The following GPD2 variants were observed in gnomAD, a reference collection of about 807,000 sequenced individuals.
GPD2 encodes the protein glycerol-3-phosphate dehydrogenase, mitochondrial.
Under a neutral mutation model 82.4 loss-of-function variants are expected in GPD2, and 54 were observed. The ratio of observed to expected loss-of-function variants is 0.66; its 90% CI spans 0.53 to 0.82. The LOEUF is 0.82. Ranked by LOEUF, GPD2 falls within the 40% of genes least tolerant of loss-of-function variation. The probability of loss-of-function intolerance (pLI) is 0.00; values close to 1 mark genes in which losing one functional copy is unlikely to be tolerated. For synonymous variants in GPD2, 288 were observed against 306.1 expected (o/e 0.94, Z 0.62); for missense variants, 748 against 896.2 (o/e 0.83, Z 2.11).
chr2:156,554,741 C>A (rs1399128153), intron 8 of GPD2, among the ~76,000 whole-genome samples: 1 of 152,124 alleles, frequency 6.6e-6, no homozygotes, highest in Admixed American at 6.6e-5. Flanking sequence ...TGAAAATAAT[C>A]ATCTCTGTTT....
chr2:156,433,565 C>T (rs991490430), upstream of GPD2, among the ~76,000 whole-genome samples: 6 of 152,166 alleles, frequency 3.9e-5, no homozygotes, highest in South Asian at 2.1e-4. Context: ...ACGAATGCTC[C>T]GGAGTCTGAT....
intron 1 of GPD2, among the ~76,000 whole-genome samples, chr2:156,444,110 G>A (rs4664818): frequency 0.57 from 86,269 of 152,002 alleles, 24,830 homozygotes; most frequent in East Asian, 0.77. Context: ...TGGAGAGCAT[G>A]AAATGTTTAT....
intron 1 of GPD2, among the ~76,000 whole-genome samples, chr2:156,453,303 A>G (rs1682679845): frequency 6.6e-6 from 1 of 152,200 alleles, no homozygotes; most frequent in African/African-American, 2.4e-5. Flanking sequence ...GACCTAATTT[A>G]ATTCTCAGCT....
At chr2:156,474,925 A>G (rs1683452074) in intron 1 of GPD2, among the ~76,000 whole-genome samples, 1 of 151,458 alleles carries the variant, frequency 6.6e-6, no homozygotes, top group South Asian at 2.1e-4. Flanking sequence ...ACATAGCAAG[A>G]CCTTGTCTCT....
At position 156,569,378 on chromosome 2, in the gene GPD2, C is replaced by T. The variant is rs372649303; in HGVS notation, c.1316C>T (p.Thr439Ile). ...LITIAGGKWT[T>I]YRSMAEDTIN... is the part of the protein sequence containing the mutation. ...TTCTTTATAGGTGGAAAGTGGACAACTTATCGGTCTATGGCAGAAGATACC... is the reference window on the plus strand; with the variant it reads ...TTCTTTATAGGTGGAAAGTGGACAATTTATCGGTCTATGGCAGAAGATACC... The change falls in exon 11 of 17, where the codon ACT (threonine) becomes ATT (isoleucine). Residue 439 changes from threonine (T) to isoleucine (I), a missense_variant. Physicochemically the swap from Thr to Ile is moderately conservative, Grantham distance 89. Coordinates refer to ENST00000438166, the MANE Select transcript of GPD2 (RefSeq NM_000408.5). The T allele has an allele frequency of 6.2e-7, 1 of 1,609,510 alleles. No individual in the cohort carries two copies. Among genetic ancestry groups the T allele is most frequent in the Non-Finnish European group, 8.5e-7 (1 of 1,176,148 alleles).
chr2:156,411,624 A>T, the GPD2 span, among the ~76,000 whole-genome samples: 1 of 152,174 alleles, frequency 6.6e-6, no homozygotes, highest in Admixed American at 6.5e-5. Context: ...TATACAGAAT[A>T]TAAATTCTGT....
At chr2:156,480,774 CTTT>C (rs373482615) in intron 2 of GPD2, among the ~76,000 whole-genome samples, 3 of 136,562 alleles carry the variant, frequency 2.2e-5, no homozygotes, top group Non-Finnish European at 3.2e-5. Context: ...ATCTCTCTCT[CTTT>C]TTTTTTTTTT....
chr2:156,571,705 A>G (rs1687645950), intron 13 of GPD2, among the ~76,000 whole-genome samples: 1 of 151,930 alleles, frequency 6.6e-6, no homozygotes, highest in African/African-American at 2.4e-5. Flanking sequence ...TTTTATATTT[A>G]TATTCCAAAT....
intron 9 of GPD2, 134 bp downstream of exon 9, chr2:156,557,716 T>A (rs1171589325): frequency 1.3e-5 from 9 of 697,046 alleles, no homozygotes; most frequent in Non-Finnish European, 2.1e-5. Flanking sequence ...TTAGAACATT[T>A]ATGAGGGCCA....
chr2:156,511,893 A>G (rs1312466937), intron 4 of GPD2, among the ~76,000 whole-genome samples: 2 of 152,170 alleles, frequency 1.3e-5, no homozygotes, highest in African/African-American at 2.4e-5. Flanking sequence ...ACACAGAAAA[A>G]ATATTATGGG....
intron 9 of GPD2, among the ~76,000 whole-genome samples, chr2:156,565,831 GGTTTT>G (rs149644701): frequency 0.27 from 40,675 of 151,664 alleles, 5,861 homozygotes; most frequent in East Asian, 0.57. Context: ...GGTAAGGCAT[GGTTTT>G]GTTTTATTTT....
chr2:156,411,283 T>C, the GPD2 span, among the ~76,000 whole-genome samples: 2 of 152,162 alleles, frequency 1.3e-5, no homozygotes, highest in Non-Finnish European at 2.9e-5. Flanking sequence ...TGTATAACTT[T>C]CCAGTCACAT....
chr2:156,488,852 G>T (rs1427546269), intron 2 of GPD2, among the ~76,000 whole-genome samples: 1 of 151,904 alleles, frequency 6.6e-6, no homozygotes, highest in Admixed American at 6.6e-5. Flanking sequence ...TGGTAAACAA[G>T]TTGAAAAAAA....
At chr2:156,408,773 G>T in the GPD2 span, among the ~76,000 whole-genome samples, 1 of 151,674 alleles carries the variant, frequency 6.6e-6, no homozygotes, top group African/African-American at 2.4e-5. Flanking sequence ...GAAGGATCTT[G>T]GCTGCTGGGT....
chr2:156,429,452 A>C, the GPD2 span, among the ~76,000 whole-genome samples: 3 of 152,316 alleles, frequency 2.0e-5, no homozygotes, highest in African/African-American at 7.2e-5. Flanking sequence ...ACATTATGAA[A>C]ATTTATAAAA....
intron 2 of GPD2, among the ~76,000 whole-genome samples, chr2:156,483,121 CA>C (rs757197621): frequency 1.3e-4 from 18 of 136,112 alleles, no homozygotes; most frequent in Middle Eastern, 3.6e-3. Context: ...AAGCAAAAAA[CA>C]AAAAAAAAAC....
chr2:156,428,992 A>T, the GPD2 span, among the ~76,000 whole-genome samples: 1 of 152,236 alleles, frequency 6.6e-6, no homozygotes, highest in Non-Finnish European at 1.5e-5. Context: ...TTGAAGGCTA[A>T]GATACAACAT....
Position 156,584,911 on chromosome 2 carries a change from T to C in GPD2, c.*1993T>C, listed in dbSNP as rs1006001989. The C allele has an allele frequency of 6.6e-6, 1 of 152,094 alleles. No individual in the cohort carries two copies. Among genetic ancestry groups the C allele is most frequent in the African/African-American group, 2.4e-5 (1 of 41,410 alleles). The allele number at this position is 152,094 out of a possible 1,614,324, so 9.4% of individuals were successfully genotyped here. On this transcript the variant is annotated 3_prime_UTR_variant, in exon 17 of 17. Coordinates refer to ENST00000438166, the MANE Select transcript of GPD2 (RefSeq NM_000408.5). ...CTTTCTAGTTAGATCAAGATAACGATGACTTGTACCCTCCCTGATTCTGTT... is the reference window on the plus strand; with the variant it reads ...CTTTCTAGTTAGATCAAGATAACGACGACTTGTACCCTCCCTGATTCTGTT...
chr2:156,464,910 G>T (rs910954703), intron 1 of GPD2, among the ~76,000 whole-genome samples: 7 of 151,910 alleles, frequency 4.6e-5, no homozygotes. Context: ...GTGTGCAGTG[G>T]CATGATCTTG....
Sources: allele counts gnomAD v4.1 joint callset (sites outside exome capture counted in the v4.1 genomes callset), GRCh38; gene constraint gnomAD v4.1.1; transcripts MANE v1.5; gene names NCBI Gene and HGNC (gene_info 2026-07-23, HGNC 2026-07-21).